The following PTCD1 variants were observed in gnomAD, a reference collection of about 807,000 sequenced individuals.
PTCD1 encodes the protein pentatricopeptide repeat-containing protein 1, mitochondrial.
Under a neutral mutation model 53.4 loss-of-function variants are expected in PTCD1, and 50 were observed. The observed-to-expected ratio is 0.94, with a 90% CI of 0.75 to 1.19. PTCD1 has a LOEUF of 1.19. PTCD1 is among the 50% of genes most tolerant of loss of function. PTCD1 has a pLI of 0.00. For synonymous variants in PTCD1, 413 were observed against 394.8 expected, an observed-to-expected ratio of 1.05 and a Z score of -0.55; for missense variants, 918 against 904.8, an observed-to-expected ratio of 1.01 and a Z score of -0.19.
intron 3 of PTCD1, among the ~76,000 whole-genome samples, chr7:99,432,448 T>C (rs566193023): frequency 5.0e-4 from 76 of 152,348 alleles, no homozygotes; most frequent in Non-Finnish European, 8.7e-4. Flanking sequence ...AACTTATTTA[T>C]GACACAGAGA....
intron 5 of PTCD1, among the ~76,000 whole-genome samples, chr7:99,426,496 A>G (rs1008685047): frequency 2.0e-5 from 3 of 152,092 alleles, no homozygotes; most frequent in Non-Finnish European, 4.4e-5. Context: ...TCAGTGCTCA[A>G]TGGTGCCCAG....
intron 3 of PTCD1, among the ~76,000 whole-genome samples, chr7:99,431,072 G>A (rs909069009): frequency 5.9e-5 from 9 of 151,592 alleles, no homozygotes; most frequent in African/African-American, 9.7e-5. Context: ...CAAAACTCCC[G>A]TCTCAAAAAA....
Position 99,424,886 on chromosome 7 carries a change from C to T in PTCD1, c.1646G>A (p.Arg549Lys). ...TGTCTGCAGGTTGGGGACGAGGCCC[C>T]TCTTTGCCAGGACCGGCAACAGCGC... ...AKALLPVLAK[R>K]GLVPNLQTFC... is the part of the protein sequence containing the mutation. Residue 549 changes from arginine (R) to lysine (K), a missense_variant, in exon 6 of 8, where the codon AGG becomes AAG. Arg to Lys is a conservative substitution (Grantham distance 26, BLOSUM62 2). Transcript: ENST00000292478. 1 of 1,614,276 alleles carries T rather than the reference C, an allele frequency of 6.2e-7. No individual in the cohort carries two copies. Among genetic ancestry groups the T allele is most frequent in the Non-Finnish European group, 8.5e-7 (1 of 1,180,046 alleles).
chr7:99,424,872 T>G lies in PTCD1; in HGVS notation c.1660A>C (p.Asn554His). Residue 554 changes from asparagine to histidine, a missense_variant, in exon 6 of 8, where the codon AAC becomes CAC. Transcript: ENST00000292478. Reference protein sequence around the residue: ...PVLAKRGLVPNLQTFCNLAIG... With the variant: ...PVLAKRGLVPHLQTFCNLAIG... ...GCCAGGTTGCAGAATGTCTGCAGGT[T>G]GGGGACGAGGCCCCTCTTTGCCAGG... The G allele has an allele frequency of 6.2e-7, 1 of 1,614,244 alleles. No individual in the cohort carries two copies. Among genetic ancestry groups the G allele is most frequent in the East Asian group, 2.2e-5 (1 of 44,892 alleles).
In PTCD1 at chr7:99,422,218, C is replaced by T. The variant is rs114412663; in HGVS notation, c.1920+1557G>A. Reference sequence around the variant, plus strand: ...AGACACAATTTCCATTGCTGTCCCACCTATTTGTAGGAAGCCCTCAAAATG... The same window carrying T: ...AGACACAATTTCCATTGCTGTCCCATCTATTTGTAGGAAGCCCTCAAAATG... On this transcript the variant is annotated intron_variant, in intron 7 of 7. Transcript: ENST00000292478. Among the ~76,000 whole-genome samples, 1,164 of 152,372 alleles carry T rather than the reference C, an allele frequency of 7.6e-3. 5 individuals are homozygous for T. The highest frequency in any genetic ancestry group is 0.026 in the African/African-American group (1,085 of 41,586).
intron 7 of PTCD1, 50 bp downstream of exon 7, chr7:99,423,725 G>C (rs760689305): frequency 6.8e-6 from 11 of 1,611,780 alleles, no homozygotes; most frequent in Non-Finnish European, 9.3e-6. Flanking sequence ...TGGGGGGAGG[G>C]GGTAGCAATG....
At chr7:99,421,277 G>C (rs948520672) in intron 7 of PTCD1, among the ~76,000 whole-genome samples, 1 of 151,780 alleles carries the variant, frequency 6.6e-6, no homozygotes, top group Non-Finnish European at 1.5e-5. Context: ...CTATCTAAAA[G>C]ATTAGCTGGG....
intron 7 of PTCD1, among the ~76,000 whole-genome samples, chr7:99,420,954 A>C (rs987591176): frequency 1.3e-5 from 2 of 152,180 alleles, no homozygotes; most frequent in Admixed American, 1.3e-4. Flanking sequence ...CTCAAAAAAA[A>C]ACAAAAACAA....
In PTCD1 at chr7:99,418,270, T is replaced by A. The variant is rs1795620897; in HGVS notation, c.*1697A>T. Reference sequence around the variant, plus strand: ...GCATGAGCTACTGCGCCCAGCCCACTGTGTTTCTTCTTTCAGAACTTTCTG... The same window carrying A: ...GCATGAGCTACTGCGCCCAGCCCACAGTGTTTCTTCTTTCAGAACTTTCTG... On this transcript the variant is annotated 3_prime_UTR_variant, in exon 8 of 8. Transcript: ENST00000292478. The A allele has an allele frequency of 6.2e-6, 1 of 162,362 alleles. No homozygotes were observed. The highest frequency in any genetic ancestry group is 1.6e-4 in the South Asian group (1 of 6,298). The allele number at this position is 162,362 out of a possible 1,614,324, so 10.1% of individuals were successfully genotyped here. A position where few individuals can be genotyped will look rare whatever the true frequency, so the allele number is the denominator to read the frequency against.
intron 3 of PTCD1, among the ~76,000 whole-genome samples, chr7:99,431,264 G>C (rs959663267): frequency 6.6e-6 from 1 of 151,532 alleles, no homozygotes; most frequent in Admixed American, 6.6e-5. Context: ...TGAGTAGCTG[G>C]GACTACAGGT....
rs765597235 is a variant in PTCD1, at chr7:99,417,978, G to A, written c.*1989C>T. The A allele has an allele frequency of 7.1e-5, 84 of 1,178,328 alleles. No individual in the cohort carries two copies. The highest frequency in any genetic ancestry group is 3.8e-4 in the Middle Eastern group (1 of 2,624). 73.0% of individuals were successfully genotyped at this position (1,178,328 alleles called of 1,614,324 possible). A position where few individuals can be genotyped will look rare whatever the true frequency, so the allele number is the denominator to read the frequency against. The stretch of plus-strand genomic sequence containing the variant: ...TAACATTACCATCACTATCTTTCCC[G>A]CCCCCCCAAGACGGAGTCTTGCTTT... On this transcript the variant is annotated 3_prime_UTR_variant, in exon 8 of 8. Coordinates refer to ENST00000292478, the MANE Select transcript of PTCD1 (RefSeq NM_015545.4).
chr7:99,419,105 A>G lies in PTCD1; in HGVS notation c.*862T>C, dbSNP rs1020893293. 8.2e-6 allele frequency: 4 copies of G among 490,788 alleles called. No homozygotes were observed. The highest frequency in any genetic ancestry group is 1.5e-5 in the Non-Finnish European group (4 of 269,550). The allele number at this position is 490,788 out of a possible 1,614,324, so 30.4% of individuals were successfully genotyped here. A position where few individuals can be genotyped will look rare whatever the true frequency, so the allele number is the denominator to read the frequency against. On this transcript the variant is annotated 3_prime_UTR_variant, in exon 8 of 8. Transcript: ENST00000292478. ...GTCATGCTCACTTAGCAGAATAACG[A>G]GACTCATTCACACCGATTTCTTTTT...
intron 2 of PTCD1, among the ~76,000 whole-genome samples, 173 bp from the exon 3 acceptor site, chr7:99,433,591 A>G (rs1239087534): frequency 3.3e-5 from 5 of 152,004 alleles, no homozygotes; most frequent in African/African-American, 7.3e-5. Context: ...ACCTCACACC[A>G]TTTCCCCGGT....
intron 1 of PTCD1, 192 bp downstream of exon 1, chr7:99,438,500 G>A: frequency 9.0e-7 from 1 of 1,106,942 alleles, no homozygotes; most frequent in Non-Finnish European, 1.1e-6. Flanking sequence ...CTTCCTCGGA[G>A]AGACCCGCCC....
In PTCD1 at chr7:99,424,990, G is replaced by T. The variant is rs756107991; in HGVS notation, c.1542C>A (p.His514Gln). The T allele has an allele frequency of 6.2e-7, 1 of 1,614,224 alleles. No homozygotes were observed. Among genetic ancestry groups the T allele is most frequent in the Non-Finnish European group, 8.5e-7 (1 of 1,180,038 alleles). ...AGAATGTCAGGTCGGCCTCTACCTG[G>T]TGCTCATCCAGGAGGGCCAGCAGCA... ...ESLLLALLDE[H>Q]QVEADLTFFN... The change falls in exon 6 of 8, where the codon CAC (histidine) becomes CAA (glutamine). Residue 514 changes from histidine to glutamine, a missense_variant. By Grantham distance (24) the His-to-Gln change is conservative. Coordinates refer to ENST00000292478, the MANE Select transcript of PTCD1 (RefSeq NM_015545.4).
In PTCD1 at chr7:99,435,081, G is replaced by C. The variant is rs770505046; in HGVS notation, c.162C>G (p.Pro54=). 1 of 1,610,340 alleles carries C rather than the reference G, an allele frequency of 6.2e-7. No individual in the cohort carries two copies. Among genetic ancestry groups the C allele is most frequent in the Non-Finnish European group, 8.5e-7 (1 of 1,178,710 alleles). ...TGTTTTCCTGACGCTCCTGGCCGAG[G>C]GGCAGCTGAGAGGAGGAGCTGCTGA... ...APFSSSSSQL[P]LGQERQENTG... is the part of the protein sequence containing the mutation. The change falls in exon 2 of 8, where the codon CCC becomes CCG. Residue 54 remains proline, a synonymous_variant. Coordinates refer to ENST00000292478, the MANE Select transcript of PTCD1 (RefSeq NM_015545.4).
At chr7:99,426,852 C>A (rs974107568) in intron 5 of PTCD1, among the ~76,000 whole-genome samples, 3 of 145,932 alleles carry the variant, frequency 2.1e-5, no homozygotes, top group African/African-American at 7.7e-5. Context: ...GTGAGGAGCG[C>A]CTCTGCCCGG....
intron 5 of PTCD1, among the ~76,000 whole-genome samples, chr7:99,428,471 G>A (rs961235334): frequency 2.0e-5 from 3 of 151,826 alleles, no homozygotes; most frequent in African/African-American, 7.3e-5. Context: ...GCGGGGAGCT[G>A]TGGTTCACAC....
intron 5 of PTCD1, among the ~76,000 whole-genome samples, chr7:99,428,644 G>C (rs1796147841): frequency 6.6e-6 from 1 of 151,962 alleles, no homozygotes; most frequent in South Asian, 2.1e-4. Flanking sequence ...GGGAGGCTGA[G>C]GCAGGAGTAT....
Sources: allele counts gnomAD v4.1 joint callset (sites outside exome capture counted in the v4.1 genomes callset), GRCh38; gene constraint gnomAD v4.1.1; transcripts MANE v1.5; gene names NCBI Gene and HGNC (gene_info 2026-07-23, HGNC 2026-07-21).